NECAB1: variants seen among roughly 807,000 people sequenced by gnomAD.
NECAB1 encodes the protein N-terminal EF-hand calcium binding protein 1, also known as N-terminal EF-hand calcium-binding protein 1.
NECAB1 carries 29 observed loss-of-function variants against 57.5 expected under a neutral mutation model. The observed-to-expected ratio is 0.50, with a 90% CI of 0.38 to 0.69. The LOEUF (loss-of-function observed/expected upper bound fraction) is 0.69, where lower values mean the gene tolerates loss of function less well. Ranked by LOEUF, NECAB1 falls within the 30% of genes least tolerant of loss-of-function variation. The pLI is 0.00. For synonymous variants in NECAB1, 142 were observed against 147.7 expected (o/e 0.96, Z 0.28); for missense variants, 372 against 413.8 (o/e 0.90, Z 0.88).
chr8:90,833,676 T>A (rs976541458), intron 3 of NECAB1, among the ~76,000 whole-genome samples: 3 of 152,282 alleles, frequency 2.0e-5, no homozygotes, highest in African/African-American at 7.2e-5. Flanking sequence ...TTTTCTTAAG[T>A]CATCAATATC....
intron 6 of NECAB1, among the ~76,000 whole-genome samples, chr8:90,922,552 G>A (rs1279208117): frequency 7.4e-6 from 1 of 135,984 alleles, no homozygotes; most frequent in Non-Finnish European, 1.5e-5. Context: ...GAGTGCAGGG[G>A]CACAATCTCT....
At chr8:90,819,402 A>G (rs1178098378) in intron 2 of NECAB1, among the ~76,000 whole-genome samples, 2 of 151,986 alleles carry the variant, frequency 1.3e-5, no homozygotes, top group Non-Finnish European at 1.5e-5. Flanking sequence ...GTATCAGGTA[A>G]TGGGAACTGA....
chr8:90,836,845 G>C (rs1031699977), intron 3 of NECAB1, among the ~76,000 whole-genome samples: 2 of 152,136 alleles, frequency 1.3e-5, no homozygotes, highest in Middle Eastern at 3.2e-3. Flanking sequence ...TTATTTTTAT[G>C]GGATGCAGAC....
chr8:90,841,149 A>G (rs1355575663), intron 3 of NECAB1, among the ~76,000 whole-genome samples: 1 of 151,780 alleles, frequency 6.6e-6, no homozygotes, highest in Non-Finnish European at 1.5e-5. Flanking sequence ...AGTCCCAGGT[A>G]CTTGGGAGGC....
intron 2 of NECAB1, among the ~76,000 whole-genome samples, chr8:90,813,730 T>G (rs1307420357): frequency 4.6e-5 from 7 of 152,204 alleles, no homozygotes; most frequent in South Asian, 2.1e-4. Context: ...GGTCTCACTA[T>G]GTTGCCCAGG....
intron 5 of NECAB1, among the ~76,000 whole-genome samples, chr8:90,894,265 A>G (rs1453774383): frequency 6.6e-6 from 1 of 152,198 alleles, no homozygotes; most frequent in Non-Finnish European, 1.5e-5. Flanking sequence ...AAGGAAATAC[A>G]TGATATTAGA....
chr8:90,792,826 A>G (rs568266045), intron 1 of NECAB1, among the ~76,000 whole-genome samples: 1 of 150,350 alleles, frequency 6.7e-6, no homozygotes, highest in Non-Finnish European at 1.5e-5. Flanking sequence ...TGTTTTCTCT[A>G]TTTTTCCGTC....
At chr8:90,826,306 T>C (rs1812224062) in intron 3 of NECAB1, among the ~76,000 whole-genome samples, 1 of 151,878 alleles carries the variant, frequency 6.6e-6, no homozygotes, top group African/African-American at 2.4e-5. Flanking sequence ...TTTGCAAAAG[T>C]GCTTCAACTT....
intron 3 of NECAB1, among the ~76,000 whole-genome samples, chr8:90,827,716 T>C (rs1418782036): frequency 6.6e-6 from 1 of 152,008 alleles, no homozygotes; most frequent in Non-Finnish European, 1.5e-5. Flanking sequence ...CTCATGAAAA[T>C]ACTCTTAAAA....
intron 5 of NECAB1, among the ~76,000 whole-genome samples, chr8:90,906,875 A>ATATATATATATATATGT (rs1563528127): frequency 9.7e-6 from 1 of 103,072 alleles, no homozygotes; most frequent in African/African-American, 4.6e-5. Context: ...TATGATATAC[A>ATATATATATATATATGT]CATATATATA....
Position 90,956,937 on chromosome 8 carries a change from T to G in NECAB1, c.*1425T>G, listed in dbSNP as rs541438149. On this transcript the variant is annotated 3_prime_UTR_variant, in exon 13 of 13. Coordinates refer to ENST00000417640, the MANE Select transcript of NECAB1 (RefSeq NM_022351.5). ...GTAGTAAATTTTGATATATTGTACA[T>G]ACACACGTGTGTGTGTGTGTGTGTG... 1 of 139,184 alleles carries G rather than the reference T, an allele frequency of 7.2e-6. No homozygotes were observed. The highest frequency in any genetic ancestry group is 2.8e-5 in the African/African-American group (1 of 35,658). 8.6% of individuals were successfully genotyped at this position (139,184 alleles called of 1,614,324 possible).
At position 90,791,976 on chromosome 8, in the gene NECAB1, C is replaced by T. The variant is rs1327339022; in HGVS notation, c.90C>T (p.Ile30=). Residue 30 remains isoleucine, a synonymous_variant, in exon 1 of 13, where the codon ATC becomes ATT. Coordinates refer to ENST00000417640, the MANE Select transcript of NECAB1 (RefSeq NM_022351.5). ...TGCACCTGTCCAAGGGCATGTCGAT[C>T]TTCCTCGACGTAAGTACAGATGGTG... ...SALHLSKGMS[I]FLDILRRADK... is the part of the protein sequence containing the mutation. 6.4e-7 allele frequency: 1 copy of T among 1,551,926 alleles called. No individual in the cohort carries two copies. The highest frequency in any genetic ancestry group is 8.7e-7 in the Non-Finnish European group (1 of 1,147,152).
At chr8:90,857,550 CTA>C (rs1344389794) in intron 3 of NECAB1, among the ~76,000 whole-genome samples, 1 of 151,982 alleles carries the variant, frequency 6.6e-6, no homozygotes, top group East Asian at 1.9e-4. Context: ...ATATACTTAA[CTA>C]GTATATATAT....
chr8:90,917,649 T>C (rs1264863131), intron 6 of NECAB1, 21 bp downstream of exon 6: 2 of 1,598,192 alleles, frequency 1.3e-6, no homozygotes, highest in East Asian at 2.2e-5. Flanking sequence ...TGTTTTCATC[T>C]GATGTCTATT....
At position 90,847,533 on chromosome 8, in the gene NECAB1, G is replaced by A. The variant is rs116933123; in HGVS notation, c.233+22708G>A. ...GCAGTGCCTCAGGTGGGGACTTTGT[G>A]TGGGGGCTACAACCCCACATTTCTC... is the stretch of plus-strand genomic sequence containing the variant. On this transcript the variant is annotated intron_variant, in intron 3 of 12. Transcript: ENST00000417640. 5.8e-3 allele frequency among the ~76,000 whole-genome samples: 880 copies of A among 152,360 alleles called. 7 individuals carry two copies. Among genetic ancestry groups the A allele is most frequent in the Non-Finnish European group, 9.8e-3 (669 of 68,020 alleles).
chr8:90,793,609 C>G (rs1811612360), intron 1 of NECAB1, among the ~76,000 whole-genome samples: 1 of 152,092 alleles, frequency 6.6e-6, no homozygotes, highest in African/African-American at 2.4e-5. Flanking sequence ...CCACAACATG[C>G]CTGAAAAGTC....
chr8:90,840,820 T>C (rs1208067026), intron 3 of NECAB1, among the ~76,000 whole-genome samples: 1 of 152,066 alleles, frequency 6.6e-6, no homozygotes, highest in Non-Finnish European at 1.5e-5. Context: ...TTCATTTAGT[T>C]CTCTGCACAT....
At chr8:90,885,749 C>G (rs1808968121) in intron 5 of NECAB1, among the ~76,000 whole-genome samples, 1 of 151,998 alleles carries the variant, frequency 6.6e-6, no homozygotes, top group Non-Finnish European at 1.5e-5. Flanking sequence ...TATAAATATG[C>G]AGCTGTAGGT....
chr8:90,805,758 AT>A (rs1365318742), intron 2 of NECAB1, among the ~76,000 whole-genome samples: 1 of 152,108 alleles, frequency 6.6e-6, no homozygotes, highest in Admixed American at 6.5e-5. Flanking sequence ...TAATTGGGAA[AT>A]AAAGGTCAAA....
Sources: gnomAD v4.1 joint callset for allele counts (sites outside exome capture counted in the v4.1 genomes callset) on GRCh38, gnomAD v4.1.1 for gene constraint, MANE v1.5 for transcripts, NCBI Gene and HGNC (gene_info 2026-07-23, HGNC 2026-07-21) for gene names.